Variants in SGCZ observed in about 807,000 individuals in gnomAD.
SGCZ encodes zeta-sarcoglycan.
In SGCZ, 40 loss-of-function variants were observed where a neutral mutation model predicts 41.3. The ratio of observed to expected loss-of-function variants is 0.97; its 90% CI spans 0.75 to 1.26. The LOEUF is 1.26. Ranked by LOEUF, SGCZ falls within the 50% of genes most tolerant of loss-of-function variation. SGCZ has a pLI of 0.00. For synonymous variants in SGCZ, 206 were observed against 137.5 expected (o/e 1.50, Z -3.49); for missense variants, 552 against 369.8 (o/e 1.49, Z -4.04).
At chr8:14,231,502 A>C (rs908330315) in intron 4 of SGCZ, among the ~76,000 whole-genome samples, 3 of 152,034 alleles carry the variant, frequency 2.0e-5, no homozygotes, top group African/African-American at 7.2e-5. Flanking sequence ...ATTATGCATA[A>C]TTTAAAGTGT....
chr8:14,994,735 T>G (rs1318968060), intron 1 of SGCZ, among the ~76,000 whole-genome samples: 1 of 152,094 alleles, frequency 6.6e-6, no homozygotes. Context: ...CAATGAGCAT[T>G]TGTTGAGTGA....
At chr8:15,068,109 C>A (rs1585530602) in intron 1 of SGCZ, among the ~76,000 whole-genome samples, 2 of 152,238 alleles carry the variant, frequency 1.3e-5, no homozygotes, top group East Asian at 3.9e-4. Context: ...GAACAGAAAT[C>A]AAATCTTCAT....
intron 1 of SGCZ, among the ~76,000 whole-genome samples, chr8:14,900,042 G>A (rs1050106557): frequency 3.3e-5 from 5 of 152,002 alleles, no homozygotes; most frequent in African/African-American, 1.2e-4. Context: ...TTTTTCTCCA[G>A]TGTTCTGTGG....
chr8:14,435,482 T>C (rs1800063325), intron 2 of SGCZ, among the ~76,000 whole-genome samples: 1 of 152,172 alleles, frequency 6.6e-6, no homozygotes, highest in Admixed American at 6.5e-5. Flanking sequence ...TTTGTTCTTA[T>C]ATCCCTTTAC....
intron 4 of SGCZ, among the ~76,000 whole-genome samples, chr8:14,183,289 TACAC>T (rs35770709): frequency 0.16 from 23,419 of 149,832 alleles, 2,072 homozygotes; most frequent in African/African-American, 0.23. Flanking sequence ...TTTTTACATG[TACAC>T]ACACACACAC....
rs189699827 is a variant in SGCZ at position 14,405,876 on chromosome 8, G to T, written c.235-81672C>A. Among the ~76,000 whole-genome samples the T allele has an allele frequency of 4.3e-3, 510 of 117,276 alleles. 4 individuals are homozygous for T. The highest frequency in any genetic ancestry group is 4.9e-3 in the Middle Eastern group (1 of 204). The allele number at this position is 117,276 out of a possible 152,430, so 76.9% of individuals were successfully genotyped here. Reference sequence around the variant, plus strand: ...TCTTAGTCATTTGTGTTTCAAAAAGGTTTTTCTCTTTAGTGGGAGCTGAGC... The same window carrying T: ...TCTTAGTCATTTGTGTTTCAAAAAGTTTTTTCTCTTTAGTGGGAGCTGAGC... On this transcript the variant is annotated intron_variant, in intron 2 of 7. Coordinates refer to ENST00000382080, the MANE Select transcript of SGCZ (RefSeq NM_139167.4).
intron 1 of SGCZ, among the ~76,000 whole-genome samples, chr8:15,092,043 G>A (rs117351206): frequency 0.019 from 2,850 of 152,198 alleles, 45 homozygotes; most frequent in Middle Eastern, 0.034. Context: ...ATGAGGCACC[G>A]TGCCTGGCCA....
intron 1 of SGCZ, among the ~76,000 whole-genome samples, chr8:15,228,462 C>T (rs1801843631): frequency 6.6e-6 from 1 of 152,160 alleles, no homozygotes; most frequent in Non-Finnish European, 1.5e-5. Flanking sequence ...ATAAAAGTAA[C>T]TGTCTCTGCT....
chr8:14,379,397 A>G (rs2117185569), intron 2 of SGCZ, among the ~76,000 whole-genome samples: 1 of 152,282 alleles, frequency 6.6e-6, no homozygotes, highest in East Asian at 1.9e-4. Context: ...TGCACAAGAT[A>G]ATGTAGTTAG....
At chr8:14,914,825 A>G (rs574845839) in intron 1 of SGCZ, among the ~76,000 whole-genome samples, 103 of 152,286 alleles carry the variant, frequency 6.8e-4, no homozygotes, top group African/African-American at 2.4e-3. Context: ...ACTGTGGGAA[A>G]GATTGTTATG....
chr8:14,731,372 C>T (rs760491537), intron 1 of SGCZ, among the ~76,000 whole-genome samples: 1 of 141,194 alleles, frequency 7.1e-6, no homozygotes, highest in Non-Finnish European at 1.5e-5. Flanking sequence ...ACATCACACA[C>T]TGGGGTCTGT....
At chr8:14,230,787 A>T (rs1353935508) in intron 4 of SGCZ, among the ~76,000 whole-genome samples, 1 of 150,728 alleles carries the variant, frequency 6.6e-6, no homozygotes, top group African/African-American at 2.4e-5. Context: ...TTACTCAAAC[A>T]TCTCTTAATA....
At chr8:14,809,486 T>G (rs904005800) in intron 1 of SGCZ, among the ~76,000 whole-genome samples, 1 of 152,262 alleles carries the variant, frequency 6.6e-6, no homozygotes, top group East Asian at 1.9e-4. Flanking sequence ...TTTTTCGGCA[T>G]AGAAACCACT....
intron 7 of SGCZ, among the ~76,000 whole-genome samples, chr8:14,095,713 T>C (rs189333608): frequency 6.6e-6 from 1 of 152,364 alleles, no homozygotes; most frequent in Non-Finnish European, 1.5e-5. Context: ...ATTTTCACGA[T>C]AATGTTTCTT....
chr8:15,180,922 A>G (rs1388320236), intron 1 of SGCZ, among the ~76,000 whole-genome samples: 1 of 152,088 alleles, frequency 6.6e-6, no homozygotes, highest in Non-Finnish European at 1.5e-5. Flanking sequence ...ACAGGATACC[A>G]GCACATAAAC....
intron 2 of SGCZ, among the ~76,000 whole-genome samples, chr8:14,418,624 T>C (rs1306405842): frequency 2.0e-5 from 3 of 151,936 alleles, no homozygotes; most frequent in Non-Finnish European, 4.4e-5. Flanking sequence ...TATCAATTAA[T>C]TATCAACAAC....
chr8:15,145,485 T>A (rs1318940289), intron 1 of SGCZ, among the ~76,000 whole-genome samples: 3 of 152,180 alleles, frequency 2.0e-5, no homozygotes, highest in African/African-American at 7.2e-5. Context: ...CTTCTTTTTT[T>A]ACACAGTTTC....
At chr8:14,726,863 A>G (rs1810073143) in intron 1 of SGCZ, among the ~76,000 whole-genome samples, 1 of 152,134 alleles carries the variant, frequency 6.6e-6, no homozygotes, top group Admixed American at 6.5e-5. Flanking sequence ...AGGAAAAACT[A>G]GTATCTAGTA....
intron 3 of SGCZ, among the ~76,000 whole-genome samples, chr8:14,273,449 T>C (rs1483496967): frequency 6.6e-6 from 1 of 152,104 alleles, no homozygotes; most frequent in Non-Finnish European, 1.5e-5. Context: ...GGACAAACAA[T>C]TCAACTCCTC....
Sources: gnomAD v4.1 joint callset for allele counts (sites outside exome capture counted in the v4.1 genomes callset) on GRCh38, gnomAD v4.1.1 for gene constraint, MANE v1.5 for transcripts, NCBI Gene and HGNC (gene_info 2026-07-23, HGNC 2026-07-21) for gene names.